ZNF300: variants seen among roughly 807,000 people sequenced by gnomAD.
ZNF300 encodes zinc finger protein 300, also known as kruppel-like zinc finger protein.
ZNF300 carries 6 observed loss-of-function variants against 13.9 expected under a neutral mutation model. The observed-to-expected ratio is 0.43, with a 90% CI of 0.24 to 0.85. The LOEUF is 0.85. Ranked by LOEUF, ZNF300 falls within the 40% of genes least tolerant of loss-of-function variation. ZNF300 has a pLI of 0.25. For synonymous variants in ZNF300, 237 were observed against 242.2 expected, an observed-to-expected ratio of 0.98 and a Z score of 0.20; for missense variants, 662 against 714.2, an observed-to-expected ratio of 0.93 and a Z score of 0.83.
At position 150,896,280 on chromosome 5, in the gene ZNF300, G is replaced by C; in HGVS notation, c.959C>G (p.Thr320Ser). Residue 320 changes from threonine to serine, a missense_variant, in exon 6 of 6, where the codon ACT (threonine) becomes AGT (serine). Thr to Ser is a moderately conservative substitution (Grantham distance 58, BLOSUM62 1). Coordinates refer to ENST00000274599, the MANE Select transcript of ZNF300 (RefSeq NM_052860.4). ...AGAACAATCATAAGGTTTCTCCCCA[G>C]TATGAGTTCTCTGATGTACAACAAG... Reference protein sequence around the residue: ...FHLVVHQRTHTGEKPYDCSEC... With the variant: ...FHLVVHQRTHSGEKPYDCSEC... The C allele has an allele frequency of 3.1e-6, 5 of 1,613,698 alleles. No individual in the cohort carries two copies. The highest frequency in any genetic ancestry group is 4.2e-6 in the Non-Finnish European group (5 of 1,179,798).
At chr5:150,898,616 G>A (rs970738860) in intron 3 of ZNF300, 62 bp from the exon 4 acceptor site, 1 of 1,497,938 alleles carries the variant, frequency 6.7e-7, no homozygotes, top group African/African-American at 1.4e-5. Flanking sequence ...GCTATAATGT[G>A]CACAACTACA....
chr5:150,903,250 C>T (rs546894832), intron 2 of ZNF300, 68 bp from the exon 3 acceptor site: 1 of 1,611,358 alleles, frequency 6.2e-7, no homozygotes, highest in African/African-American at 1.3e-5. Context: ...CTTTCACATT[C>T]ACCAATCTTG....
chr5:150,894,552 A>G lies in ZNF300; in HGVS notation c.*872T>C, dbSNP rs138937564. ...ATAGGCAATCAAAAGCAGAGTGTCCAGAGGGAAAAGCAAGCTCAGACGTGG... is the reference window on the plus strand; with the variant it reads ...ATAGGCAATCAAAAGCAGAGTGTCCGGAGGGAAAAGCAAGCTCAGACGTGG... On this transcript the variant is annotated 3_prime_UTR_variant, in exon 6 of 6. Coordinates refer to ENST00000274599, the MANE Select transcript of ZNF300 (RefSeq NM_052860.4). The G allele has an allele frequency of 7.7e-4, 117 of 152,456 alleles. 2 individuals are homozygous for G. The highest frequency in any genetic ancestry group is 2.7e-3 in the African/African-American group (114 of 41,576). The allele number at this position is 152,456 out of a possible 1,614,324, so 9.4% of individuals were successfully genotyped here. A position where few individuals can be genotyped will look rare whatever the true frequency, so the allele number is the denominator to read the frequency against.
chr5:150,901,002 G>A (rs895420982), intron 3 of ZNF300, among the ~76,000 whole-genome samples: 4 of 152,032 alleles, frequency 2.6e-5, no homozygotes, highest in Non-Finnish European at 5.9e-5. Context: ...TACAGCTCAG[G>A]TCCCTGGGGA....
chr5:150,903,425 T>C, intron 2 of ZNF300: 1 of 1,403,386 alleles, frequency 7.1e-7, no homozygotes, highest in South Asian at 1.2e-5. Flanking sequence ...GTTTTATAAT[T>C]GGATAGATGT....
Position 150,896,619 on chromosome 5 carries a change from T to C in ZNF300, c.620A>G (p.Asn207Ser), listed in dbSNP as rs1209639372. The C allele has an allele frequency of 1.2e-6, 2 of 1,613,686 alleles. No homozygotes were observed. Among genetic ancestry groups the C allele is most frequent in the Non-Finnish European group, 1.7e-6 (2 of 1,179,796 alleles). Residue 207 changes from asparagine to serine, a missense_variant, in exon 6 of 6, where the codon AAT becomes AGT. By Grantham distance (46) the Asn-to-Ser change is conservative. Transcript: ENST00000274599. ...ACTCTGATCAGGTTTTTTTCTTGAA[T>C]TGCTCTTATAACAACTCGGTAGGTC... ...NIDLPSCYKS[N>S]SRKKPDQSFG...
chr5:150,895,566 A>G lies in ZNF300; in HGVS notation c.1673T>C (p.Phe558Ser), dbSNP rs1361609052. 6.2e-7 allele frequency: 1 copy of G among 1,613,586 alleles called. No homozygotes were observed. Among genetic ancestry groups the G allele is most frequent in the Non-Finnish European group, 8.5e-7 (1 of 1,179,766 alleles). ...PYICAECGKA[F>S]SQKSDLVLHQ... ...TAAAACAAGGTCTGACTTCTGAGAAAAGGCCTTTCCACATTCAGCACATAT... is the reference window on the plus strand; with the variant it reads ...TAAAACAAGGTCTGACTTCTGAGAAGAGGCCTTTCCACATTCAGCACATAT... The change falls in exon 6 of 6, where the codon TTT becomes TCT. Residue 558 changes from phenylalanine (F) to serine (S), a missense_variant. Transcript: ENST00000274599.
In ZNF300 at chr5:150,898,002, T is replaced by A. The variant is rs1373065852; in HGVS notation, c.265+60A>T. 3.8e-6 allele frequency: 6 copies of A among 1,566,714 alleles called. No homozygotes were observed. In the East Asian group the frequency reaches 9.0e-5, roughly 23 times the overall value. On this transcript the variant is annotated intron_variant, in intron 5 of 5. Coordinates refer to ENST00000274599, the MANE Select transcript of ZNF300 (RefSeq NM_052860.4). ...AAAGAATAGGAGATTTTGATAAGGATAGAAACATAAACCTCAGGCACCAAT... is the reference window on the plus strand; with the variant it reads ...AAAGAATAGGAGATTTTGATAAGGAAAGAAACATAAACCTCAGGCACCAAT...
In ZNF300 at chr5:150,898,571, C is replaced by T. The variant is rs1754882629; in HGVS notation, c.16-17G>A. 6.4e-7 allele frequency: 1 copy of T among 1,569,104 alleles called. No homozygotes were observed. The highest frequency in any genetic ancestry group is 1.4e-5 in the African/African-American group (1 of 73,586). On this transcript the variant is annotated splice_polypyrimidine_tract_variant and intron_variant, in intron 3 of 5. Transcript: ENST00000274599. ...TACTAACCCCTGTAATAGTAAATTC[C>T]TGTTCAATCTGAAATGATCATTCTC...
Position 150,895,615 on chromosome 5 carries a change from T to C in ZNF300, c.1624A>G (p.Ile542Val). 6.2e-7 allele frequency: 1 copy of C among 1,613,392 alleles called. No individual in the cohort carries two copies. Residue 542 changes from isoleucine (I) to valine (V), a missense_variant, in exon 6 of 6, where the codon ATT becomes GTT. Transcript: ENST00000274599. ...QKSHLPGHQR[I>V]HTGEKPYICA... ...ATGTAAGGTTTCTCTCCTGTATGAA[T>C]TCGCTGGTGTCCCGGAAGGTGGGAC...
Position 150,895,225 on chromosome 5 carries a change from C to T in ZNF300, c.*199G>A, listed in dbSNP as rs571319983. 1.3e-3 allele frequency: 640 copies of T among 488,802 alleles called. 2 individuals carry two copies. The highest frequency in any genetic ancestry group is 2.0e-3 in the Non-Finnish European group (559 of 278,604). 30.3% of individuals were successfully genotyped at this position (488,802 alleles called of 1,614,324 possible). A position where few individuals can be genotyped will look rare whatever the true frequency, so the allele number is the denominator to read the frequency against. On this transcript the variant is annotated 3_prime_UTR_variant, in exon 6 of 6. Transcript: ENST00000274599. Reference sequence around the variant, plus strand: ...TTCATAACTTTAAAAGCTTTACATGCCATATTAAAAATGTTCTTCATTTAT... The same window carrying T: ...TTCATAACTTTAAAAGCTTTACATGTCATATTAAAAATGTTCTTCATTTAT...
At chr5:150,901,792 G>C (rs1241302785) in intron 3 of ZNF300, among the ~76,000 whole-genome samples, 1 of 151,954 alleles carries the variant, frequency 6.6e-6, no homozygotes, top group Non-Finnish European at 1.5e-5. Context: ...CAGGCAACCA[G>C]GCCACAAGGA....
intron 3 of ZNF300, among the ~76,000 whole-genome samples, chr5:150,902,164 T>C (rs966897102): frequency 7.2e-5 from 11 of 152,248 alleles, no homozygotes; most frequent in African/African-American, 2.6e-4. Context: ...AATGTTTATA[T>C]GCCAATGCTG....
Position 150,895,366 on chromosome 5 carries a change from G to T in ZNF300, c.*58C>A. The T allele has an allele frequency of 7.7e-7, 1 of 1,297,138 alleles. No homozygotes were observed. Among genetic ancestry groups the T allele is most frequent in the Non-Finnish European group, 1.0e-6 (1 of 959,204 alleles). 80.4% of individuals were successfully genotyped at this position (1,297,138 alleles called of 1,614,324 possible). On this transcript the variant is annotated 3_prime_UTR_variant, in exon 6 of 6. Coordinates refer to ENST00000274599, the MANE Select transcript of ZNF300 (RefSeq NM_052860.4). ...GTCCCCAAGCTTATCAAATTAATTG[G>T]GTTTCTAGTAATTATTAAGGCTTGA...
chr5:150,897,729 C>T (rs1754844935), intron 5 of ZNF300: 1 of 290,340 alleles, frequency 3.4e-6, no homozygotes. Flanking sequence ...CTCTGAACTT[C>T]TAAAACAGTA....
chr5:150,896,626 T>C lies in ZNF300; in HGVS notation c.613A>G (p.Lys205Glu). Residue 205 changes from lysine to glutamate, a missense_variant, in exon 6 of 6, where the codon AAG becomes GAG. By Grantham distance (56) the Lys-to-Glu change is moderately conservative. Transcript: ENST00000274599. ...KPNIDLPSCY[K>E]SNSRKKPDQS... is the part of the protein sequence containing the mutation. ...TCAGGTTTTTTTCTTGAATTGCTCT[T>C]ATAACAACTCGGTAGGTCAATATTT... The C allele has an allele frequency of 6.2e-7, 1 of 1,613,692 alleles. No homozygotes were observed. The highest frequency in any genetic ancestry group is 8.5e-7 in the Non-Finnish European group (1 of 1,179,816).
At chr5:150,898,778 C>T (rs1486903088) in intron 3 of ZNF300, among the ~76,000 whole-genome samples, 3 of 151,922 alleles carry the variant, frequency 2.0e-5, no homozygotes, top group Admixed American at 6.6e-5. Flanking sequence ...TTAAAGGCAG[C>T]ATCCAAATAA....
chr5:150,895,970 G>A lies in ZNF300; in HGVS notation c.1269C>T (p.His423=), dbSNP rs1317478820. 1 of 1,613,412 alleles carries A rather than the reference G, an allele frequency of 6.2e-7. No individual in the cohort carries two copies. The highest frequency in any genetic ancestry group is 8.5e-7 in the Non-Finnish European group (1 of 1,179,770). Residue 423 remains histidine, a synonymous_variant, in exon 6 of 6, where the codon CAC becomes CAT. Coordinates refer to ENST00000274599, the MANE Select transcript of ZNF300 (RefSeq NM_052860.4). ...TGTGAATTCTTTTATGTATAATGAG[G>A]TGGGACTTCTCACAGAAGGCTTTCC... ...ECGKAFCEKS[H]LIIHKRIHTG... is the part of the protein sequence containing the mutation.
At chr5:150,897,953 C>T in intron 5 of ZNF300, 109 bp downstream of exon 5, 1 of 1,344,380 alleles carries the variant, frequency 7.4e-7, no homozygotes, top group African/African-American at 1.5e-5. Flanking sequence ...TGTTGAGTGA[C>T]TACTAAATTC....
Sources: gnomAD v4.1 joint callset for allele counts (sites outside exome capture counted in the v4.1 genomes callset) on GRCh38, gnomAD v4.1.1 for gene constraint, MANE v1.5 for transcripts, NCBI Gene and HGNC (gene_info 2026-07-23, HGNC 2026-07-21) for gene names.